NRXN3: variants seen among roughly 807,000 people sequenced by gnomAD.
NRXN3 encodes neurexin 3.
In NRXN3, 32 loss-of-function variants were observed where a neutral mutation model predicts 137.6. The observed-to-expected ratio is 0.23, with a 90% CI of 0.18 to 0.31. NRXN3 has a LOEUF of 0.31. NRXN3 is among the 10% of genes least tolerant of loss of function. NRXN3 has a pLI of 1.00. For synonymous variants in NRXN3, 798 were observed against 784.5 expected, an observed-to-expected ratio of 1.02 and a Z score of -0.29; for missense variants, 1,574 against 2,062.5, an observed-to-expected ratio of 0.76 and a Z score of 4.59.
chr14:79,655,327 C>T (rs2098500239), intron 16 of NRXN3, among the ~76,000 whole-genome samples: 1 of 137,842 alleles, frequency 7.3e-6, no homozygotes, highest in African/African-American at 3.3e-5. Context: ...AAAGTTTATA[C>T]CTGCAAAGTG....
intron 4 of NRXN3, among the ~76,000 whole-genome samples, chr14:78,623,711 G>A (rs916608682): frequency 1.3e-5 from 2 of 152,082 alleles, no homozygotes; most frequent in African/African-American, 4.8e-5. Context: ...GTATTTATAG[G>A]CACACACCAC....
At chr14:78,871,991 A>G (rs2099102423) in intron 10 of NRXN3, among the ~76,000 whole-genome samples, 1 of 152,026 alleles carries the variant, frequency 6.6e-6, no homozygotes, top group Admixed American at 6.6e-5. Context: ...TTACAAGGAA[A>G]CAATAAAACA....
At chr14:78,838,256 C>T (rs2099002444) in intron 10 of NRXN3, among the ~76,000 whole-genome samples, 2 of 152,038 alleles carry the variant, frequency 1.3e-5, no homozygotes, top group African/African-American at 4.8e-5. Flanking sequence ...TATCTTAGAC[C>T]ATTCTATGCT....
At chr14:79,071,027 A>G (rs1040243108) in intron 15 of NRXN3, among the ~76,000 whole-genome samples, 5 of 152,292 alleles carry the variant, frequency 3.3e-5, no homozygotes, top group African/African-American at 1.2e-4. Context: ...CCCATTAAAC[A>G]TTTGAAGTAG....
At chr14:79,304,353 C>T (rs2085672348) in intron 15 of NRXN3, among the ~76,000 whole-genome samples, 1 of 152,026 alleles carries the variant, frequency 6.6e-6, no homozygotes, top group Non-Finnish European at 1.5e-5. Context: ...AAAATCTCTA[C>T]ATTTCCACCC....
At chr14:79,317,701 G>A (rs1373943070) in intron 15 of NRXN3, among the ~76,000 whole-genome samples, 3 of 152,184 alleles carry the variant, frequency 2.0e-5, no homozygotes, top group Non-Finnish European at 4.4e-5. Flanking sequence ...TTGCTCCAAA[G>A]TGGGATACAT....
chr14:79,615,703 A>G (rs929604387), intron 16 of NRXN3, among the ~76,000 whole-genome samples: 19 of 152,262 alleles, frequency 1.2e-4, no homozygotes, highest in Non-Finnish European at 7.4e-5. Flanking sequence ...AGCCCCGTAT[A>G]GAACCATCAG....
chr14:78,341,765 A>G (rs1045794132), intron 4 of NRXN3, among the ~76,000 whole-genome samples: 2 of 152,166 alleles, frequency 1.3e-5, no homozygotes. Flanking sequence ...AATTATTCAG[A>G]TCTTCAACTA....
At chr14:79,348,226 G>A (rs976417241) in intron 15 of NRXN3, among the ~76,000 whole-genome samples, 1 of 152,122 alleles carries the variant, frequency 6.6e-6, no homozygotes, top group African/African-American at 2.4e-5. Flanking sequence ...ACTATATGAT[G>A]TAAGTAGGCC....
intron 4 of NRXN3, among the ~76,000 whole-genome samples, chr14:78,317,356 C>T (rs547781675): frequency 2.0e-5 from 3 of 152,278 alleles, no homozygotes; most frequent in South Asian, 4.1e-4. Flanking sequence ...GCCTAAGTTC[C>T]GCCTCCTGTC....
intron 15 of NRXN3, among the ~76,000 whole-genome samples, chr14:79,147,654 C>G (rs1221398331): frequency 6.6e-6 from 1 of 152,098 alleles, no homozygotes; most frequent in African/African-American, 2.4e-5. Flanking sequence ...GAAGCCTTCA[C>G]AAGCAGAGGC....
chr14:78,861,028 G>C lies in NRXN3; in HGVS notation c.2275+50684G>C, dbSNP rs546744999. 2.0e-3 allele frequency among the ~76,000 whole-genome samples: 307 copies of C among 151,978 alleles called. 5 individuals carry two copies. Among genetic ancestry groups the C allele is most frequent in the Non-Finnish European group, 2.7e-3 (183 of 67,982 alleles). On this transcript the variant is annotated intron_variant, in intron 10 of 20. Transcript: ENST00000335750. Reference sequence around the variant, plus strand: ...GTATTCTGAGTTGGTGGTATAAATGGCATTTTTCTAGGTGATCGTTATATA... The same window carrying C: ...GTATTCTGAGTTGGTGGTATAAATGCCATTTTTCTAGGTGATCGTTATATA...
intron 16 of NRXN3, among the ~76,000 whole-genome samples, chr14:79,476,370 G>A (rs984299144): frequency 3.9e-5 from 6 of 152,032 alleles, no homozygotes; most frequent in East Asian, 1.9e-4. Flanking sequence ...CCTGGCCTGC[G>A]ATGACACCTC....
At chr14:79,243,427 T>C (rs555493846) in intron 15 of NRXN3, among the ~76,000 whole-genome samples, 4 of 152,162 alleles carry the variant, frequency 2.6e-5, no homozygotes, top group Non-Finnish European at 5.9e-5. Context: ...AAGGAATCTT[T>C]TTTTTGAGCA....
At chr14:78,366,542 C>T (rs2085969693) in intron 4 of NRXN3, among the ~76,000 whole-genome samples, 1 of 152,182 alleles carries the variant, frequency 6.6e-6, no homozygotes, top group African/African-American at 2.4e-5. Flanking sequence ...AGTTTGCTTT[C>T]ATGCTGCTGA....
At chr14:79,662,524 C>T (rs1269265865) in intron 16 of NRXN3, among the ~76,000 whole-genome samples, 1 of 152,090 alleles carries the variant, frequency 6.6e-6, no homozygotes. Flanking sequence ...GGTGATATCA[C>T]CACCAGCATC....
chr14:78,815,682 G>A (rs1195541507), intron 10 of NRXN3, among the ~76,000 whole-genome samples: 1 of 151,506 alleles, frequency 6.6e-6, no homozygotes, highest in Non-Finnish European at 1.5e-5. Flanking sequence ...TCCTCTCCAT[G>A]GTACAAGAAT....
chr14:79,293,984 AGT>A (rs2083617216), intron 15 of NRXN3, among the ~76,000 whole-genome samples: 1 of 152,240 alleles, frequency 6.6e-6, no homozygotes, highest in South Asian at 2.1e-4. Context: ...TTTAATCAAG[AGT>A]GAAATGAGAG....
intron 10 of NRXN3, among the ~76,000 whole-genome samples, chr14:78,917,963 A>T (rs550023881): frequency 2.8e-5 from 4 of 143,862 alleles, no homozygotes; most frequent in African/African-American, 1.1e-4. Context: ...TTGCAAAAAT[A>T]AAAAAAATAA....
Sources: allele counts gnomAD v4.1 joint callset (sites outside exome capture counted in the v4.1 genomes callset), GRCh38; gene constraint gnomAD v4.1.1; transcripts MANE v1.5; gene names NCBI Gene and HGNC (gene_info 2026-07-23, HGNC 2026-07-21).